CTNND2: variants seen among roughly 807,000 people sequenced by gnomAD.
The protein encoded by CTNND2 is catenin delta-2.
Under a neutral mutation model 144.4 loss-of-function variants are expected in CTNND2, and 22 were observed. That is an observed-to-expected ratio of 0.15 (90% confidence interval 0.11 to 0.22). The LOEUF is 0.22. CTNND2 is among the 10% of genes least tolerant of loss of function. The pLI, the probability that CTNND2 is intolerant of heterozygous loss-of-function variation, is 1.00. For synonymous variants in CTNND2, 751 were observed against 695.6 expected, an observed-to-expected ratio of 1.08 and a Z score of -1.25; for missense variants, 1,353 against 1,618.8, an observed-to-expected ratio of 0.84 and a Z score of 2.82.
intron 16 of CTNND2, among the ~76,000 whole-genome samples, chr5:11,048,636 C>T (rs1352138032): frequency 2.0e-5 from 3 of 152,182 alleles, no homozygotes; most frequent in African/African-American, 7.2e-5. Flanking sequence ...CAGGTAGAGT[C>T]ATCTATGGCA....
intron 3 of CTNND2, among the ~76,000 whole-genome samples, chr5:11,487,853 G>A (rs1198604812): frequency 2.6e-5 from 4 of 152,100 alleles, no homozygotes; most frequent in Admixed American, 2.6e-4. Flanking sequence ...CCACAGATAC[G>A]AGCAAAGACT....
chr5:11,755,761 G>A lies in CTNND2; in HGVS notation c.38-23489C>T, dbSNP rs1028550411. 4.6e-5 allele frequency among the ~76,000 whole-genome samples: 7 copies of A among 151,138 alleles called. No homozygotes were observed. The Admixed American group carries it at 4.6e-4, about 10-fold the overall frequency. ...GCAATTATATTATGAAATTCTTGAA[G>A]TGAGCTTTTCAGCTCTACCAGGTCA... On this transcript the variant is annotated intron_variant, in intron 1 of 21. Transcript: ENST00000304623.
At chr5:11,752,687 T>C (rs927124718) in intron 1 of CTNND2, among the ~76,000 whole-genome samples, 1 of 151,864 alleles carries the variant, frequency 6.6e-6, no homozygotes, top group Non-Finnish European at 1.5e-5. Flanking sequence ...TTTCGTTCTA[T>C]ATGCTTTATA....
chr5:11,601,941 T>G (rs1168003692), intron 2 of CTNND2, among the ~76,000 whole-genome samples: 1 of 152,074 alleles, frequency 6.6e-6, no homozygotes, highest in Non-Finnish European at 1.5e-5. Flanking sequence ...CCTGTTCAAC[T>G]CAAATCTGCC....
At chr5:11,023,871 C>G (rs1742545020) in intron 16 of CTNND2, among the ~76,000 whole-genome samples, 1 of 152,206 alleles carries the variant, frequency 6.6e-6, no homozygotes, top group Admixed American at 6.5e-5. Flanking sequence ...ATTTATCCCA[C>G]CTGCAGCTTC....
chr5:11,804,828 T>C (rs1250521605), intron 1 of CTNND2, among the ~76,000 whole-genome samples: 1 of 152,192 alleles, frequency 6.6e-6, no homozygotes, highest in African/African-American at 2.4e-5. Flanking sequence ...TGAAGCTTAA[T>C]GTATGTACAT....
At chr5:11,585,227 C>A (rs905559505) in intron 2 of CTNND2, among the ~76,000 whole-genome samples, 2 of 152,002 alleles carry the variant, frequency 1.3e-5, no homozygotes, top group Admixed American at 6.6e-5. Context: ...TACTCTGCTC[C>A]GATGCAGAGT....
chr5:11,852,712 CTTT>C (rs1795073512), intron 1 of CTNND2, among the ~76,000 whole-genome samples: 1 of 152,176 alleles, frequency 6.6e-6, no homozygotes, highest in African/African-American at 2.4e-5. Flanking sequence ...CTGACTGACC[CTTT>C]AGAAACAGAA....
chr5:11,576,112 T>C (rs937687237), intron 2 of CTNND2, among the ~76,000 whole-genome samples: 1 of 152,134 alleles, frequency 6.6e-6, no homozygotes, highest in African/African-American at 2.4e-5. Context: ...TAACAAATCA[T>C]CTTTAATCTG....
chr5:11,108,745 AC>A (rs1344354257), intron 14 of CTNND2, among the ~76,000 whole-genome samples: 1 of 152,132 alleles, frequency 6.6e-6, no homozygotes. Flanking sequence ...GGTCAATCTC[AC>A]ACCAACAGCG....
chr5:11,081,619 C>T (rs909152921), intron 16 of CTNND2, among the ~76,000 whole-genome samples: 1 of 152,196 alleles, frequency 6.6e-6, no homozygotes, highest in Non-Finnish European at 1.5e-5. Flanking sequence ...ATTAGGGACC[C>T]TCAACCTGTA....
At chr5:11,391,466 A>T (rs1212030215) in intron 6 of CTNND2, among the ~76,000 whole-genome samples, 2 of 152,194 alleles carry the variant, frequency 1.3e-5, no homozygotes, top group Non-Finnish European at 2.9e-5. Context: ...AGTGCAAGTA[A>T]AACAAATCTA....
chr5:10,980,430 G>A (rs1329833341), intron 21 of CTNND2, among the ~76,000 whole-genome samples: 2 of 152,152 alleles, frequency 1.3e-5, no homozygotes, highest in African/African-American at 2.4e-5. Context: ...AAATAGGAAC[G>A]CTTTTACACT....
chr5:11,477,621 C>T (rs977818325), intron 3 of CTNND2, among the ~76,000 whole-genome samples: 6 of 152,066 alleles, frequency 3.9e-5, no homozygotes, highest in Non-Finnish European at 7.4e-5. Flanking sequence ...CACTATGTTG[C>T]CCAGACTGGT....
intron 12 of CTNND2, among the ~76,000 whole-genome samples, chr5:11,137,438 G>C (rs1405671566): frequency 6.6e-6 from 1 of 152,088 alleles, no homozygotes; most frequent in Non-Finnish European, 1.5e-5. Context: ...ACGTGTCCAG[G>C]AATTTCCTTG....
intron 2 of CTNND2, among the ~76,000 whole-genome samples, chr5:11,678,133 A>G (rs1279724657): frequency 1.3e-5 from 2 of 152,182 alleles, no homozygotes; most frequent in East Asian, 3.8e-4. Context: ...TGACAATACA[A>G]GAAAAAAAAG....
chr5:11,435,800 C>G (rs940763525), intron 3 of CTNND2, among the ~76,000 whole-genome samples: 1 of 152,182 alleles, frequency 6.6e-6, no homozygotes, highest in African/African-American at 2.4e-5. Context: ...TTTAGGAACA[C>G]AGTTCTATTA....
At chr5:11,630,010 AAT>A (rs1781338377) in intron 2 of CTNND2, among the ~76,000 whole-genome samples, 1 of 152,222 alleles carries the variant, frequency 6.6e-6, no homozygotes, top group Non-Finnish European at 1.5e-5. Context: ...TAGCATATTT[AAT>A]ATATGTTTCT....
intron 9 of CTNND2, among the ~76,000 whole-genome samples, chr5:11,291,265 A>G (rs1748322158): frequency 6.6e-6 from 1 of 152,120 alleles, no homozygotes; most frequent in South Asian, 2.1e-4. Flanking sequence ...CTTTTTTTTC[A>G]ATAATATTAA....
Sources: gnomAD v4.1 joint callset for allele counts (sites outside exome capture counted in the v4.1 genomes callset) on GRCh38, gnomAD v4.1.1 for gene constraint, MANE v1.5 for transcripts, NCBI Gene and HGNC (gene_info 2026-07-23, HGNC 2026-07-21) for gene names.